KANTR: variants seen among roughly 807,000 people sequenced by gnomAD.
The protein encoded by KANTR is KANTR integral membrane protein.
downstream of KANTR, chrX:53,143,371 GC>G: frequency 1.3e-6 from 1 of 744,983 alleles, no homozygotes; most frequent in Non-Finnish European, 2.0e-6. Context: ...GTCCTGGCCA[GC>G]CAGGTCCAGA....
At chrX:53,107,130 T>G (rs782817649) in intron 2 of KANTR, among the ~76,000 whole-genome samples, 8 of 109,547 alleles carry the variant, frequency 7.3e-5, no homozygotes, top group Non-Finnish European at 1.5e-4. Flanking sequence ...TTTTCAAGAT[T>G]GTTTTGGCTA....
At chrX:53,119,623 G>T (rs1254472564) in intron 2 of KANTR, among the ~76,000 whole-genome samples, 3 of 111,839 alleles carry the variant, frequency 2.7e-5, no homozygotes, top group Non-Finnish European at 5.6e-5. Flanking sequence ...TAATTACCTT[G>T]CCTTCATAAT....
chrX:53,109,823 C>T (rs1250836268), intron 2 of KANTR, among the ~76,000 whole-genome samples: 2 of 105,468 alleles, frequency 1.9e-5, no homozygotes, highest in African/African-American at 6.9e-5. Flanking sequence ...GGCATGTTCT[C>T]AGCTCACTGC....
chrX:53,138,665 A>G (rs1238178184), intron 2 of KANTR, among the ~76,000 whole-genome samples: 1 of 107,936 alleles, frequency 9.3e-6, no homozygotes, highest in African/African-American at 3.4e-5. Flanking sequence ...AGATTGCGCC[A>G]TTGCACTCCA....
intron 2 of KANTR, among the ~76,000 whole-genome samples, chrX:53,116,937 G>A (rs782023563): frequency 1.1e-4 from 12 of 110,896 alleles, no homozygotes; most frequent in African/African-American, 3.0e-4. Context: ...CCTTCCTCAC[G>A]TTCTCTACTC....
chrX:53,121,996 G>A (rs1437928690), intron 2 of KANTR, among the ~76,000 whole-genome samples: 1 of 111,537 alleles, frequency 9.0e-6, no homozygotes, highest in Non-Finnish European at 1.9e-5. Context: ...GGAAGGAGAG[G>A]GTGTATCTCT....
chrX:53,144,730 A>G (rs1213782374), downstream of KANTR, among the ~76,000 whole-genome samples: 1 of 111,773 alleles, frequency 8.9e-6, no homozygotes, highest in Non-Finnish European at 1.9e-5. Context: ...ACTTTTTATT[A>G]ACCACCAGAG....
At chrX:53,146,068 C>T (rs192535919), downstream of KANTR, among the ~76,000 whole-genome samples, 11 of 111,718 alleles carry the variant, frequency 9.8e-5, no homozygotes, top group Admixed American at 4.8e-4. Flanking sequence ...GCAGAAAAAA[C>T]GGAAATTCTA....
chrX:53,123,322 A>C (rs1933251072), intron 2 of KANTR, 147 bp from the exon 3 acceptor site: 1 of 111,780 alleles, frequency 8.9e-6, no homozygotes, highest in African/African-American at 3.2e-5. Context: ...ATATTTAACA[A>C]TTGGAATTAT....
At chrX:53,098,050 C>CAAA (rs782145330) in intron 1 of KANTR, among the ~76,000 whole-genome samples, 7 of 44,169 alleles carry the variant, frequency 1.6e-4, no homozygotes, top group South Asian at 1.6e-3. Context: ...GACTCTGTCT[C>CAAA]AAAAAAAAAA....
downstream of KANTR, among the ~76,000 whole-genome samples, chrX:53,145,552 CTG>C (rs1392857288): frequency 8.9e-6 from 1 of 112,179 alleles, no homozygotes; most frequent in Non-Finnish European, 1.9e-5. Context: ...CTGCCTGTCT[CTG>C]TAGACTCCAC....
chrX:53,118,468 C>A (rs1321368703), intron 2 of KANTR, among the ~76,000 whole-genome samples: 2 of 111,907 alleles, frequency 1.8e-5, no homozygotes, highest in Non-Finnish European at 3.8e-5. Context: ...ATCTTTAGCC[C>A]ATTAAAATTT....
At chrX:53,128,987 A>G (rs1425692652), downstream of KANTR, among the ~76,000 whole-genome samples, 1 of 110,402 alleles carries the variant, frequency 9.1e-6, no homozygotes, top group East Asian at 2.8e-4. Flanking sequence ...GTTTGCTTAA[A>G]TACTCATTTA....
intron 2 of KANTR, among the ~76,000 whole-genome samples, chrX:53,108,882 G>T (rs960562223): frequency 9.1e-6 from 1 of 110,479 alleles, no homozygotes; most frequent in South Asian, 3.8e-4. Flanking sequence ...TAATTTTTTT[G>T]TGGAGACAAG....
At chrX:53,095,446 CT>C (rs1244947152) in intron 1 of KANTR, among the ~76,000 whole-genome samples, 26 of 102,489 alleles carry the variant, frequency 2.5e-4, no homozygotes, top group South Asian at 4.3e-4. Flanking sequence ...CCCAACATTG[CT>C]TTTTTTTTTT....
chrX:53,109,409 C>T (rs1416681568), intron 2 of KANTR, among the ~76,000 whole-genome samples: 5 of 111,925 alleles, frequency 4.5e-5, no homozygotes, highest in Non-Finnish European at 9.4e-5. Context: ...CTCAGCCTCC[C>T]GAGTAGCTGG....
At chrX:53,144,428 G>A (rs993172507), downstream of KANTR, among the ~76,000 whole-genome samples, 5 of 111,868 alleles carry the variant, frequency 4.5e-5, no homozygotes, top group Admixed American at 4.7e-4. Context: ...GGGCATGGTG[G>A]CTCACGCTTG....
At position 53,136,693 on chromosome X, in the gene KANTR, C is replaced by CATATATATATAT. The variant is rs58263602; in HGVS notation, n.204-5128_204-5117dup. ...TACAGGCAAGATCTACCACGCCCGG[C>CATATATATATAT]ATATATATATATATATATATATATA... On this transcript the variant is annotated intron_variant and non_coding_transcript_variant, in intron 2 of 2. Transcript: ENST00000366185. Among the ~76,000 whole-genome samples, 57 of 9,285 alleles carry CATATATATATAT rather than the reference C, an allele frequency of 6.1e-3. 2 individuals carry two copies. The highest frequency in any genetic ancestry group is 0.02 in the South Asian group (2 of 98). 8.1% of individuals were successfully genotyped at this position (9,285 alleles called of 115,157 possible).
chrX:53,098,361 G>A (rs1007092054), intron 1 of KANTR, among the ~76,000 whole-genome samples: 6 of 112,103 alleles, frequency 5.4e-5, no homozygotes, highest in African/African-American at 1.9e-4. Flanking sequence ...TTTGCTGGTG[G>A]AGGGTCTTAC....
Sources: allele counts gnomAD v4.1 joint callset (sites outside exome capture counted in the v4.1 genomes callset), GRCh38; gene constraint gnomAD v4.1.1; transcripts MANE v1.5; gene names NCBI Gene and HGNC (gene_info 2026-07-23, HGNC 2026-07-21).